The following PPHLN1 variants were observed in gnomAD, a reference collection of about 807,000 sequenced individuals.
PPHLN1 encodes periphilin-1.
PPHLN1 carries 29 observed loss-of-function variants against 51.3 expected under a neutral mutation model. The observed-to-expected ratio is 0.57, with a 90% CI of 0.42 to 0.77. The LOEUF is 0.77. Among genes scored for constraint, PPHLN1 ranks in the 30% least tolerant of loss-of-function variants. The pLI, the probability that PPHLN1 is intolerant of heterozygous loss-of-function variation, is 0.00. For missense variants in PPHLN1, 436 were observed against 438.4 expected (o/e 0.99, Z 0.05); for synonymous variants, 147 against 147.8 (o/e 0.99, Z 0.04).
At chr12:42,339,801 CA>C (rs770884039) in intron 2 of PPHLN1, among the ~76,000 whole-genome samples, 8 of 152,146 alleles carry the variant, frequency 5.3e-5, no homozygotes, top group Non-Finnish European at 1.0e-4. Flanking sequence ...ATACCTGTAA[CA>C]GCTAGATGTA....
intron 9 of PPHLN1, among the ~76,000 whole-genome samples, chr12:42,413,670 T>A (rs2080100879): frequency 6.6e-6 from 1 of 151,894 alleles, no homozygotes; most frequent in Non-Finnish European, 1.5e-5. Context: ...TAAGTGATTC[T>A]CCTGTCTCAG....
chr12:42,347,679 C>T (rs763393846), intron 2 of PPHLN1, among the ~76,000 whole-genome samples: 11 of 152,282 alleles, frequency 7.2e-5, no homozygotes, highest in Non-Finnish European at 1.3e-4. Flanking sequence ...ACTCGGGAGG[C>T]TGAGGCAGGA....
At chr12:42,436,040 A>G (rs573139001) in intron 9 of PPHLN1, among the ~76,000 whole-genome samples, 1 of 152,350 alleles carries the variant, frequency 6.6e-6, no homozygotes, top group Non-Finnish European at 1.5e-5. Context: ...ACTGTATTGG[A>G]CAGCACAGCT....
rs1019230298 is a variant in PPHLN1 at position 42,333,161 on chromosome 12, C to T, written c.-20-2722C>T. Among the ~76,000 whole-genome samples, 4 of 152,058 alleles carry T rather than the reference C, an allele frequency of 2.6e-5. No individual in the cohort carries two copies. The East Asian group carries it at 7.7e-4, about 29-fold the overall frequency. The stretch of plus-strand genomic sequence containing the variant: ...TAGCAGTATATCTTGGCAGTCTTTT[C>T]ATATTGTTACTGGGGTTACTTTTCT... On this transcript the variant is annotated intron_variant, in intron 1 of 9. Coordinates refer to ENST00000358314, the MANE Select transcript of PPHLN1 (RefSeq NM_201439.2).
At chr12:42,376,977 A>G (rs1413712457) in intron 5 of PPHLN1, among the ~76,000 whole-genome samples, 1 of 152,136 alleles carries the variant, frequency 6.6e-6, no homozygotes, top group South Asian at 2.1e-4. Context: ...AAACCTTAAG[A>G]AGATAAACAA....
chr12:42,354,400 G>C (rs950593267), intron 3 of PPHLN1, among the ~76,000 whole-genome samples: 4 of 151,800 alleles, frequency 2.6e-5, no homozygotes, highest in Admixed American at 2.0e-4. Context: ...TGTAGAGATG[G>C]GGTTTCACCA....
chr12:42,342,339 C>G (rs1391948580), intron 2 of PPHLN1, among the ~76,000 whole-genome samples: 1 of 152,204 alleles, frequency 6.6e-6, no homozygotes, highest in Admixed American at 6.5e-5. Flanking sequence ...ACTGCAGCCT[C>G]AGACCCCTGG....
At chr12:42,333,338 C>G (rs2070074195) in intron 1 of PPHLN1, among the ~76,000 whole-genome samples, 1 of 152,162 alleles carries the variant, frequency 6.6e-6, no homozygotes, top group Non-Finnish European at 1.5e-5. Flanking sequence ...TCCTTTCAAT[C>G]TTTGCTATGC....
intron 2 of PPHLN1, among the ~76,000 whole-genome samples, chr12:42,348,079 T>C (rs1203350146): frequency 1.3e-5 from 2 of 151,884 alleles, no homozygotes; most frequent in Admixed American, 1.3e-4. Flanking sequence ...TGAATTTTTG[T>C]TTTCTTTTGC....
Position 42,441,919 on chromosome 12 carries a change from G to C in PPHLN1, c.*410G>C, listed in dbSNP as rs1016589218. 1.5e-5 allele frequency: 15 copies of C among 974,480 alleles called. No homozygotes were observed. Among genetic ancestry groups the C allele is most frequent in the Middle Eastern group, 5.2e-4 (1 of 1,934 alleles). 60.4% of individuals were successfully genotyped at this position (974,480 alleles called of 1,614,324 possible). A position where few individuals can be genotyped will look rare whatever the true frequency, so the allele number is the denominator to read the frequency against. ...GCTTTGTAACTTGTAATATGTTAAA[G>C]TGTACTATCCTAATAAACTGAATAC... is the stretch of plus-strand genomic sequence containing the variant. On this transcript the variant is annotated 3_prime_UTR_variant, in exon 10 of 10. Coordinates refer to ENST00000358314, the MANE Select transcript of PPHLN1 (RefSeq NM_201439.2).
chr12:42,348,276 A>ATTT (rs1213561958), intron 2 of PPHLN1, among the ~76,000 whole-genome samples: 1,226 of 85,558 alleles, frequency 0.014, 30 homozygotes, highest in East Asian at 0.042. Flanking sequence ...CACCTGGCTA[A>ATTT]TTTTTTTTTT....
At chr12:42,390,136 G>A (rs567033677) in intron 7 of PPHLN1, among the ~76,000 whole-genome samples, 3 of 152,260 alleles carry the variant, frequency 2.0e-5, no homozygotes, top group Non-Finnish European at 2.9e-5. Context: ...TTTAGGAAGA[G>A]TAGATATCAC....
intron 2 of PPHLN1, chr12:42,343,864 T>C (rs926321563): frequency 2.3e-6 from 1 of 442,338 alleles, no homozygotes; most frequent in Admixed American, 2.5e-5. Flanking sequence ...CCAAAAGACG[T>C]TGGAATGACT....
chr12:42,443,313 A>G (rs1028421436), downstream of PPHLN1: 6 of 152,430 alleles, frequency 3.9e-5, no homozygotes, highest in African/African-American at 1.4e-4. Flanking sequence ...CCAGTGATAC[A>G]AAATTGACAA....
At chr12:42,426,062 T>A (rs1388457828) in intron 9 of PPHLN1, among the ~76,000 whole-genome samples, 1 of 152,194 alleles carries the variant, frequency 6.6e-6, no homozygotes, top group South Asian at 2.1e-4. Context: ...TCTGACCTAT[T>A]TATTTCTATC....
intron 9 of PPHLN1, chr12:42,399,386 C>T (rs2078582347): frequency 1.1e-6 from 1 of 887,962 alleles, no homozygotes; most frequent in Non-Finnish European, 1.3e-6. Flanking sequence ...AGGTAGTTTC[C>T]AAATATTAAA....
chr12:42,354,367 C>T (rs1165761167), intron 3 of PPHLN1, among the ~76,000 whole-genome samples: 3 of 151,992 alleles, frequency 2.0e-5, no homozygotes, highest in South Asian at 2.1e-4. Context: ...TATAGGTGCA[C>T]GCCACCGTGC....
At chr12:42,371,877 T>C (rs1565858258) in intron 4 of PPHLN1, among the ~76,000 whole-genome samples, 1 of 152,240 alleles carries the variant, frequency 6.6e-6, no homozygotes, top group Non-Finnish European at 1.5e-5. Flanking sequence ...TTACTTTAGA[T>C]ATGACTACTT....
At chr12:42,360,374 A>G (rs7956425) in intron 4 of PPHLN1, among the ~76,000 whole-genome samples, 24,133 of 146,894 alleles carry the variant, frequency 0.16, 2,035 homozygotes, top group Admixed American at 0.21. Flanking sequence ...AGGTTTGTCC[A>G]GCGTTTCTTC....
Sources: gnomAD v4.1 joint callset for allele counts (sites outside exome capture counted in the v4.1 genomes callset) on GRCh38, gnomAD v4.1.1 for gene constraint, MANE v1.5 for transcripts, NCBI Gene and HGNC (gene_info 2026-07-23, HGNC 2026-07-21) for gene names.